The following USP30 variants were observed in gnomAD, a reference collection of about 807,000 sequenced individuals.
USP30 encodes the protein ubiquitin carboxyl-terminal hydrolase 30.
In USP30, 41 loss-of-function variants were observed where a neutral mutation model predicts 68.2. The observed-to-expected ratio is 0.60, with a 90% confidence interval of 0.47 to 0.78. USP30 has a LOEUF of 0.78. Among genes scored for constraint, USP30 ranks in the 30% least tolerant of loss-of-function variants. The probability of loss-of-function intolerance (pLI) is 0.00; values close to 1 mark genes in which losing one functional copy is unlikely to be tolerated. For synonymous variants in USP30, 229 were observed against 253.7 expected, an observed-to-expected ratio of 0.90 and a Z score of 0.93; for missense variants, 522 against 649.4, an observed-to-expected ratio of 0.80 and a Z score of 2.13.
Position 109,073,448 on chromosome 12 carries a change from C to A in USP30, c.636C>A (p.His212Gln). The A allele has an allele frequency of 6.2e-7, 1 of 1,613,888 alleles. No individual in the cohort carries two copies. Among genetic ancestry groups the A allele is most frequent in the Non-Finnish European group, 8.5e-7 (1 of 1,179,752 alleles). ...QITCRTRGSPHPTSNHWKSQH... is the reference protein window; with the variant it reads ...QITCRTRGSPQPTSNHWKSQH... ...CTTTTTGCATTCCAGGGTCACCTCACCCTACATCCAATCACTGGAAGTCTC... is the reference window on the plus strand; with the variant it reads ...CTTTTTGCATTCCAGGGTCACCTCAACCTACATCCAATCACTGGAAGTCTC... Residue 212 changes from histidine (H) to glutamine (Q), a missense_variant, in exon 7 of 13, where the codon CAC becomes CAA. Coordinates refer to ENST00000257548, the MANE Select transcript of USP30 (RefSeq NM_032663.5).
At chr12:109,079,938 T>G (rs993443918) in intron 7 of USP30, among the ~76,000 whole-genome samples, 4 of 152,318 alleles carry the variant, frequency 2.6e-5, no homozygotes, top group East Asian at 1.9e-4. Flanking sequence ...AATAGAGACA[T>G]AGAGAGTAGG....
chr12:109,027,682 A>G (rs2040454686), intron 3 of USP30: 1 of 152,194 alleles, frequency 6.6e-6, no homozygotes, highest in African/African-American at 2.4e-5. Flanking sequence ...ACTTAACATA[A>G]TGTTTTCAAG....
In USP30 at chr12:109,082,008, A is replaced by G. The variant is rs2041817803; in HGVS notation, c.856A>G (p.Asn286Asp). 3.7e-6 allele frequency: 6 copies of G among 1,614,226 alleles called. No individual in the cohort carries two copies. The highest frequency in any genetic ancestry group is 5.1e-6 in the Non-Finnish European group (6 of 1,180,040). The change falls in exon 9 of 13, where the codon AAC (asparagine) becomes GAC (aspartate). Residue 286 changes from asparagine (N) to aspartate (D), a missense_variant. Physicochemically the swap from Asn to Asp is conservative, Grantham distance 23. Transcript: ENST00000257548. ...SESVRDVVCD[N>D]CTKIEAKGTL... is the part of the protein sequence containing the mutation. Reference sequence around the variant, plus strand: ...ATCAGTGCGGGATGTTGTGTGTGACAACTGTACAAAGGTATGCATTGAACC... The same window carrying G: ...ATCAGTGCGGGATGTTGTGTGTGACGACTGTACAAAGGTATGCATTGAACC...
At chr12:109,075,743 T>C (rs144830211) in intron 7 of USP30, among the ~76,000 whole-genome samples, 1 of 152,306 alleles carries the variant, frequency 6.6e-6, no homozygotes, top group East Asian at 1.9e-4. Context: ...TTAGTGATAT[T>C]GAGTGCCTTT....
At chr12:109,046,885 C>CG (rs1222375818) in intron 3 of USP30, among the ~76,000 whole-genome samples, 7 of 152,158 alleles carry the variant, frequency 4.6e-5, no homozygotes, top group African/African-American at 1.7e-4. Flanking sequence ...TTAGTAGAGA[C>CG]GGGGTTTCAC....
chr12:109,056,202 GT>G (rs869134998), intron 1 of USP30, among the ~76,000 whole-genome samples: 1 of 136,478 alleles, frequency 7.3e-6, no homozygotes, highest in Admixed American at 7.7e-5. Context: ...TGTTGTTGTT[GT>G]TTTTTATGAG....
chr12:109,043,452 C>T (rs1177147422), intron 3 of USP30, among the ~76,000 whole-genome samples: 2 of 152,130 alleles, frequency 1.3e-5, no homozygotes, highest in Non-Finnish European at 2.9e-5. Flanking sequence ...TGACTTTTGA[C>T]AAGAGTACCA....
At chr12:109,047,402 G>A (rs1017122673) in intron 3 of USP30, among the ~76,000 whole-genome samples, 71 of 152,272 alleles carry the variant, frequency 4.7e-4, no homozygotes, top group Middle Eastern at 6.8e-3. Flanking sequence ...GACATGCTGT[G>A]TGAGGTGGAA....
At chr12:109,027,937 G>T (rs542414008) in intron 3 of USP30, among the ~76,000 whole-genome samples, 4 of 152,216 alleles carry the variant, frequency 2.6e-5, no homozygotes, top group Admixed American at 2.0e-4. Flanking sequence ...GAGTCATATG[G>T]TAACTATGTT....
intron 2 of USP30, among the ~76,000 whole-genome samples, chr12:109,027,089 G>A (rs1385803561): frequency 2.0e-5 from 3 of 152,092 alleles, no homozygotes; most frequent in Non-Finnish European, 4.4e-5. Context: ...CAAACATTCA[G>A]TCCTTAACTA....
chr12:109,086,917 G>T lies in USP30; in HGVS notation c.*986G>T, dbSNP rs1229758341. 1 of 151,930 alleles carries T rather than the reference G, an allele frequency of 6.6e-6. No individual in the cohort carries two copies. Among genetic ancestry groups the T allele is most frequent in the African/African-American group, 2.4e-5 (1 of 41,210 alleles). 9.4% of individuals were successfully genotyped at this position (151,930 alleles called of 1,614,324 possible). A position where few individuals can be genotyped will look rare whatever the true frequency, so the allele number is the denominator to read the frequency against. On this transcript the variant is annotated 3_prime_UTR_variant, in exon 13 of 13. Coordinates refer to ENST00000257548, the MANE Select transcript of USP30 (RefSeq NM_032663.5). Reference sequence around the variant, plus strand: ...GGGGCTGCAGTCTCTCTGAACCTCAGTTTCCTCATTTGTGAAGTGAAGGGT... The same window carrying T: ...GGGGCTGCAGTCTCTCTGAACCTCATTTTCCTCATTTGTGAAGTGAAGGGT...
intron 3 of USP30, among the ~76,000 whole-genome samples, chr12:109,034,649 G>A (rs967195008): frequency 2.8e-4 from 43 of 152,170 alleles, no homozygotes; most frequent in African/African-American, 1.0e-3. Flanking sequence ...AGTTTATAGT[G>A]TTGTTCACGT....
Position 109,083,545 on chromosome 12 carries a change from T to C in USP30, c.1168+483T>C, listed in dbSNP as rs577060731. 1.3e-3 allele frequency among the ~76,000 whole-genome samples: 197 copies of C among 152,184 alleles called. 3 individuals are homozygous for C. The South Asian group carries it at 0.023, about 17-fold the overall frequency. On this transcript the variant is annotated intron_variant, in intron 11 of 12. Coordinates refer to ENST00000257548, the MANE Select transcript of USP30 (RefSeq NM_032663.5). Reference sequence around the variant, plus strand: ...CAGCTGAGGTCTCATTTAAGCCGGGTAGCTATTATCGCCGGTCTTACTGAT... The same window carrying C: ...CAGCTGAGGTCTCATTTAAGCCGGGCAGCTATTATCGCCGGTCTTACTGAT...
At chr12:109,043,701 GCAA>G (rs1423868825) in intron 3 of USP30, among the ~76,000 whole-genome samples, 1 of 152,120 alleles carries the variant, frequency 6.6e-6, no homozygotes, top group Non-Finnish European at 1.5e-5. Context: ...AAAGACACAG[GCAA>G]CAACAACAAA....
intron 3 of USP30, among the ~76,000 whole-genome samples, chr12:109,044,971 C>A: frequency 1.3e-5 from 2 of 149,202 alleles, no homozygotes; most frequent in East Asian, 2.0e-4. Context: ...TTTTCATTAC[C>A]AAGTAAGGTC....
intron 11 of USP30, among the ~76,000 whole-genome samples, chr12:109,083,311 A>C (rs897012313): frequency 6.6e-6 from 1 of 152,198 alleles, no homozygotes; most frequent in Non-Finnish European, 1.5e-5. Context: ...AGAAACGCTT[A>C]AAATTGCAGC....
intron 12 of USP30, 67 bp downstream of exon 12, chr12:109,085,140 C>T (rs1177439776): frequency 2.2e-6 from 3 of 1,343,332 alleles, no homozygotes; most frequent in Non-Finnish European, 2.9e-6. Context: ...ATTAGCTTTT[C>T]ACAGAAATGA....
At chr12:109,053,945 C>T (rs1011614320) in intron 1 of USP30, 5 of 454,638 alleles carry the variant, frequency 1.1e-5, no homozygotes, top group African/African-American at 1.0e-4. Context: ...AGCCATGTTC[C>T]TTCACTCACT....
At chr12:109,030,004 C>A (rs542243816) in intron 3 of USP30, among the ~76,000 whole-genome samples, 4 of 152,332 alleles carry the variant, frequency 2.6e-5, no homozygotes, top group African/African-American at 7.2e-5. Flanking sequence ...TAGTTTATTT[C>A]CAGTAATCAT....
Sources: gnomAD v4.1 joint callset for allele counts (sites outside exome capture counted in the v4.1 genomes callset) on GRCh38, gnomAD v4.1.1 for gene constraint, MANE v1.5 for transcripts, NCBI Gene and HGNC (gene_info 2026-07-23, HGNC 2026-07-21) for gene names.